The following USP10 variants were observed in gnomAD, a reference collection of about 807,000 sequenced individuals.
The protein encoded by USP10 is ubiquitin carboxyl-terminal hydrolase 10.
In USP10, 22 loss-of-function variants were observed where a neutral mutation model predicts 84.5. The ratio of observed to expected loss-of-function variants is 0.26; its 90% confidence interval spans 0.19 to 0.37. The LOEUF (loss-of-function observed/expected upper bound fraction) is 0.37, where lower values mean the gene tolerates loss of function less well. USP10 is among the 10% of genes least tolerant of loss of function. The probability of loss-of-function intolerance (pLI) is 1.00; values close to 1 mark genes in which losing one functional copy is unlikely to be tolerated. For missense variants in USP10, 1,019 were observed against 998.9 expected, an observed-to-expected ratio of 1.02 and a Z score of -0.27; for synonymous variants, 454 against 387.6, an observed-to-expected ratio of 1.17 and a Z score of -2.01.
chr16:84,735,234 TGTGG>T (rs1242203335), intron 2 of USP10, among the ~76,000 whole-genome samples: 3 of 124,636 alleles, frequency 2.4e-5, no homozygotes, highest in South Asian at 2.7e-4. Context: ...TGTGTGTGTG[TGTGG>T]TGTGTGTGTT....
At chr16:84,730,949 A>G (rs1909132805) in intron 1 of USP10, among the ~76,000 whole-genome samples, 1 of 149,032 alleles carries the variant, frequency 6.7e-6, no homozygotes, top group African/African-American at 2.5e-5. Flanking sequence ...GATAAAATGG[A>G]TAACTTTTAA....
chr16:84,761,295 G>T (rs1913179468), intron 8 of USP10, among the ~76,000 whole-genome samples: 1 of 152,218 alleles, frequency 6.6e-6, no homozygotes, highest in Non-Finnish European at 1.5e-5. Flanking sequence ...CTTGGATCGT[G>T]CACAGAGATA....
chr16:84,765,507 AT>A (rs1913755442), intron 10 of USP10, among the ~76,000 whole-genome samples: 1 of 148,920 alleles, frequency 6.7e-6, no homozygotes, highest in Non-Finnish European at 1.5e-5. Context: ...GATTCCATGT[AT>A]AAGTGAGACC....
At chr16:84,734,975 C>T (rs1311488610) in intron 2 of USP10, among the ~76,000 whole-genome samples, 1 of 152,284 alleles carries the variant, frequency 6.6e-6, no homozygotes, top group East Asian at 1.9e-4. Context: ...GGGCCTATTG[C>T]TTATCTCTGT....
chr16:84,771,853 G>A (rs1466225031), intron 11 of USP10, among the ~76,000 whole-genome samples: 2 of 152,128 alleles, frequency 1.3e-5, no homozygotes, highest in Admixed American at 1.3e-4. Context: ...GGGCGACAGA[G>A]TGAGAACTCC....
chr16:84,773,161 C>T lies in USP10; in HGVS notation c.2143+476C>T, dbSNP rs575997470. Among the ~76,000 whole-genome samples, 96 of 152,186 alleles carry T rather than the reference C, an allele frequency of 6.3e-4. No individual in the cohort carries two copies. In the Middle Eastern group the frequency reaches 0.01, roughly 16 times the overall value. On this transcript the variant is annotated intron_variant, in intron 12 of 13. Transcript: ENST00000219473. The stretch of plus-strand genomic sequence containing the variant: ...TCAAGTCTCTGTCAGGTCACGGGCT[C>T]GGCACTTTTTGAAAGCAATTTTAAA...
intron 1 of USP10, among the ~76,000 whole-genome samples, chr16:84,731,057 G>T (rs1399329102): frequency 7.2e-6 from 1 of 139,462 alleles, no homozygotes; most frequent in Admixed American, 8.0e-5. Context: ...TCGGCTTGCT[G>T]CAACCTCCAC....
Position 84,759,348 on chromosome 16 carries a change from A to G in USP10, c.1285-15A>G, listed in dbSNP as rs763620909. ...CTGTTCATTTCCTTTACGCTTCCTT[A>G]CTGCCACTACATAGACACTGCAGGC... On this transcript the variant is annotated splice_polypyrimidine_tract_variant and intron_variant, in intron 5 of 13. Transcript: ENST00000219473. 1.9e-6 allele frequency: 3 copies of G among 1,611,732 alleles called. No homozygotes were observed. The highest frequency in any genetic ancestry group is 2.2e-5 in the East Asian group (1 of 44,878).
chr16:84,746,439 G>C (rs1003365402), intron 4 of USP10, among the ~76,000 whole-genome samples: 1 of 152,218 alleles, frequency 6.6e-6, no homozygotes, highest in Non-Finnish European at 1.5e-5. Flanking sequence ...AGAGCCTTAG[G>C]CTGGTGGTGC....
intron 8 of USP10, among the ~76,000 whole-genome samples, chr16:84,761,331 A>C (rs558229744): frequency 6.6e-6 from 1 of 152,310 alleles, no homozygotes; most frequent in East Asian, 1.9e-4. Context: ...GCATCTTCTA[A>C]AGGTTACATT....
intron 3 of USP10, among the ~76,000 whole-genome samples, chr16:84,741,137 T>TAC (rs1910574363): frequency 3.9e-5 from 6 of 152,220 alleles, no homozygotes; most frequent in Admixed American, 2.0e-4. Flanking sequence ...ATGGTCAGAC[T>TAC]TATGAAAGGG....
intron 2 of USP10, among the ~76,000 whole-genome samples, chr16:84,735,893 CTTCAGGAATCTGA>C (rs1909868002): frequency 1.3e-5 from 2 of 152,176 alleles, no homozygotes; most frequent in African/African-American, 4.8e-5. Flanking sequence ...TTTCCCCAAT[CTTCAGGAATCTGA>C]ATTATAATAG....
rs34240400 is a variant in USP10, at chr16:84,735,196, GGTGTGTGTGTGTGTGT to G, written c.90+1719_90+1734del. 7.0e-4 allele frequency among the ~76,000 whole-genome samples: 102 copies of G among 146,380 alleles called. 2 individuals are homozygous for G. In the Middle Eastern group the frequency reaches 0.01, roughly 15 times the overall value. On this transcript the variant is annotated intron_variant, in intron 2 of 13. Coordinates refer to ENST00000219473, the MANE Select transcript of USP10 (RefSeq NM_005153.3). ...CAGGTGTGTGCTGCCAGGCCCGGGTGGTGTGTGTGTGTGTGTGTGTGTGTGTGTGTGTGTGTGTGTG... is the reference window on the plus strand; with the variant it reads ...CAGGTGTGTGCTGCCAGGCCCGGGTGGTGTGTGTGTGTGTGTGTGTGTGTG...
chr16:84,766,634 T>C (rs527685648), intron 10 of USP10, among the ~76,000 whole-genome samples: 1 of 152,324 alleles, frequency 6.6e-6, no homozygotes, highest in African/African-American at 2.4e-5. Context: ...AGGGTCAGCA[T>C]ACTCAAAGAT....
intron 1 of USP10, among the ~76,000 whole-genome samples, chr16:84,701,937 C>CCT (rs1330798788): frequency 1.7e-4 from 21 of 124,564 alleles, no homozygotes; most frequent in East Asian, 8.9e-4. Flanking sequence ...TTTTCTTCTT[C>CCT]TTTTTTTTTT....
chr16:84,776,000 C>G (rs183665182), intron 13 of USP10, among the ~76,000 whole-genome samples: 1 of 152,184 alleles, frequency 6.6e-6, no homozygotes, highest in Admixed American at 6.5e-5. Flanking sequence ...CTTCCCTCCT[C>G]TGGTGTGGCC....
Position 84,744,892 on chromosome 16 carries a change from T to A in USP10, c.411T>A (p.Asn137Lys). 6.2e-7 allele frequency: 1 copy of A among 1,613,634 alleles called. No individual in the cohort carries two copies. The highest frequency in any genetic ancestry group is 8.5e-7 in the Non-Finnish European group (1 of 1,179,718). ...ATGTGGAGGCGGAAGTTTTGGAAAA[T>A]GATGGTGTCTCAGGTGGTCTTGGAC... ...SSNVEAEVLE[N>K]DGVSGGLGQR... The change falls in exon 4 of 14, where the codon AAT (asparagine) becomes AAA (lysine). Residue 137 changes from asparagine (N) to lysine (K), a missense_variant. Physicochemically the swap from Asn to Lys is moderately conservative, Grantham distance 94 (BLOSUM62 0). Coordinates refer to ENST00000219473, the MANE Select transcript of USP10 (RefSeq NM_005153.3).
intron 1 of USP10, among the ~76,000 whole-genome samples, chr16:84,720,429 T>TTC (rs1166920961): frequency 2.0e-5 from 3 of 152,188 alleles, no homozygotes; most frequent in Admixed American, 2.0e-4. Flanking sequence ...TGTGTGGAGT[T>TTC]TGAGTACATG....
At chr16:84,751,927 T>G (rs969816614) in intron 4 of USP10, among the ~76,000 whole-genome samples, 4 of 152,192 alleles carry the variant, frequency 2.6e-5, no homozygotes, top group Non-Finnish European at 5.9e-5. Context: ...TATGATGACA[T>G]AAAAGTTTAC....
Sources: gnomAD v4.1 joint callset for allele counts (sites outside exome capture counted in the v4.1 genomes callset) on GRCh38, gnomAD v4.1.1 for gene constraint, MANE v1.5 for transcripts, NCBI Gene and HGNC (gene_info 2026-07-23, HGNC 2026-07-21) for gene names.